OVCH1: variants seen among roughly 807,000 people sequenced by gnomAD.
OVCH1 encodes the protein ovochymase 1.
OVCH1 carries 139 observed loss-of-function variants against 138.4 expected under a neutral mutation model. The ratio of observed to expected loss-of-function variants is 1.00; its 90% CI spans 0.87 to 1.16. The LOEUF is 1.16. Ranked by LOEUF, OVCH1 falls within the 50% of genes most tolerant of loss-of-function variation. The pLI is 0.00. For synonymous variants in OVCH1, 453 were observed against 467.8 expected, an observed-to-expected ratio of 0.97 and a Z score of 0.41; for missense variants, 1,367 against 1,357.9, an observed-to-expected ratio of 1.01 and a Z score of -0.11.
intron 25 of OVCH1, among the ~76,000 whole-genome samples, chr12:29,441,411 A>T (rs1941482150): frequency 6.6e-6 from 1 of 152,212 alleles, no homozygotes; most frequent in Admixed American, 6.5e-5. Context: ...AAAACTGGCT[A>T]GCCATATGGA....
In OVCH1 at chr12:29,487,688, C is replaced by T; in HGVS notation, c.892+5G>A. On this transcript the variant is annotated splice_donor_5th_base_variant and intron_variant, in intron 7 of 27. Coordinates refer to ENST00000318184, the Ensembl canonical transcript of OVCH1. Reference sequence around the variant, plus strand: ...GATGAGATGAGGAAGAAAGAATTCACCTACCTGTGAACAGGTTTTGAGTGA... The same window carrying T: ...GATGAGATGAGGAAGAAAGAATTCATCTACCTGTGAACAGGTTTTGAGTGA... The T allele has an allele frequency of 4.4e-6, 7 of 1,582,216 alleles. No homozygotes were observed. The highest frequency in any genetic ancestry group is 5.2e-6 in the Non-Finnish European group (6 of 1,161,376).
intron 3 of OVCH1, among the ~76,000 whole-genome samples, chr12:29,422,410 A>G (rs1184186753): frequency 6.6e-6 from 1 of 152,224 alleles, no homozygotes; most frequent in African/African-American, 2.4e-5. Context: ...TAAAAAAGAC[A>G]AAGTGATGTC....
chr12:29,488,106 G>C (rs1592112975), intron 6 of OVCH1, among the ~76,000 whole-genome samples: 1 of 151,828 alleles, frequency 6.6e-6, no homozygotes, highest in Admixed American at 6.6e-5. Context: ...ATACCTATTG[G>C]CTGCAATCTT....
chr12:29,436,633 G>A (rs1941365508), intron 26 of OVCH1, among the ~76,000 whole-genome samples: 2 of 152,224 alleles, frequency 1.3e-5, no homozygotes, highest in South Asian at 4.1e-4. Flanking sequence ...TGTTCCTTCA[G>A]ATGTGTCCAG....
intron 7 of OVCH1, among the ~76,000 whole-genome samples, chr12:29,486,732 AG>A (rs1943118831): frequency 6.6e-6 from 1 of 152,226 alleles, no homozygotes; most frequent in African/African-American, 2.4e-5. Context: ...GATTATCCTA[AG>A]GAAGCATTAT....
At chr12:29,452,444 G>A (rs1941822822) in intron 21 of OVCH1, among the ~76,000 whole-genome samples, 1 of 99,702 alleles carries the variant, frequency 1.0e-5, no homozygotes, top group Non-Finnish European at 2.1e-5. Context: ...TATCTGTACA[G>A]CTACAAGAAC....
chr12:29,462,125 G>T (rs940052437), intron 18 of OVCH1, 117 bp from the exon 19 acceptor site: 3 of 1,142,842 alleles, frequency 2.6e-6, no homozygotes, highest in African/African-American at 3.1e-5. Context: ...ATTCAGTTTG[G>T]CCTGAGCTGA....
chr12:29,442,309 C>G (rs578257651), intron 25 of OVCH1, among the ~76,000 whole-genome samples: 3 of 150,664 alleles, frequency 2.0e-5, no homozygotes, highest in African/African-American at 7.3e-5. Flanking sequence ...ATGATGAGTT[C>G]ATGTCCTTTG....
At position 29,465,236 on chromosome 12, in the gene OVCH1, AGT is replaced by A; in HGVS notation, c.1857-19_1857-18del. ...TTATTCTTCCTGGAGACAGAAGAAC[AGT>A]GAAAGTTTGACATGAAAACACATTT... is the stretch of plus-strand genomic sequence containing the variant. On this transcript the variant is annotated intron_variant, in intron 16 of 27. Transcript: ENST00000318184. 1 of 1,575,992 alleles carries A rather than the reference AGT, an allele frequency of 6.3e-7. No homozygotes were observed.
chr12:29,473,073 G>A lies in OVCH1; in HGVS notation c.1631C>T (p.Pro544Leu), dbSNP rs201523745. ...GGTAGATACAGGATTGTTTTGGGGA[G>A]GTAACTTTGGTTCAAATTTGTTTAA... The change falls in exon 15 of 28, where the codon CCT (proline) becomes CTT (leucine). Residue 544 changes from proline to leucine, a missense_variant. Coordinates refer to ENST00000318184, the Ensembl canonical transcript of OVCH1. 4.7e-4 allele frequency: 755 copies of A among 1,610,096 alleles called. 2 individuals carry two copies. The highest frequency in any genetic ancestry group is 2.0e-3 in the Admixed American group (120 of 59,626).
chr12:29,477,207 T>C (rs1942769182), exon 12 of OVCH1: 3 of 1,613,672 alleles, frequency 1.9e-6, no homozygotes, highest in Admixed American at 1.7e-5. Context: ...CTTCTACCAA[T>C]ATAGCCAGAC....
At chr12:29,416,328 A>G (rs1213092461) in intron 3 of OVCH1, among the ~76,000 whole-genome samples, 1 of 152,162 alleles carries the variant, frequency 6.6e-6, no homozygotes, top group Non-Finnish European at 1.5e-5. Context: ...CATCTAAATT[A>G]AAAGTTTTGC....
intron 4 of OVCH1, among the ~76,000 whole-genome samples, chr12:29,492,515 A>T (rs868308170): frequency 4.6e-5 from 7 of 152,236 alleles, no homozygotes; most frequent in Middle Eastern, 3.4e-3. Flanking sequence ...AACAAACATT[A>T]GGAAGACAGA....
intron 16 of OVCH1, among the ~76,000 whole-genome samples, chr12:29,466,191 G>A (rs950845274): frequency 6.6e-6 from 1 of 151,914 alleles, no homozygotes; most frequent in African/African-American, 2.4e-5. Flanking sequence ...GCACATGTAT[G>A]CATATGTAAC....
At chr12:29,435,277 C>T (rs1941337103) in intron 26 of OVCH1, among the ~76,000 whole-genome samples, 1 of 152,094 alleles carries the variant, frequency 6.6e-6, no homozygotes, top group African/African-American at 2.4e-5. Context: ...ATTGCTTGAG[C>T]CCAGGAGTTC....
chr12:29,431,810 G>T (rs1164325762), intron 27 of OVCH1, among the ~76,000 whole-genome samples: 1 of 152,146 alleles, frequency 6.6e-6, no homozygotes, highest in Admixed American at 6.5e-5. Flanking sequence ...ATGTTTATCT[G>T]AAAAACAGAA....
chr12:29,440,606 A>G, intron 25 of OVCH1: 1 of 390,334 alleles, frequency 2.6e-6, no homozygotes, highest in Admixed American at 3.2e-5. Flanking sequence ...GTGCATGGTA[A>G]CAGGTGTTCT....
At position 29,436,843 on chromosome 12, in the gene OVCH1, G is replaced by A. The variant is rs988327486; in HGVS notation, c.3264+2485C>T. Among the ~76,000 whole-genome samples, 6 of 152,194 alleles carry A rather than the reference G, an allele frequency of 3.9e-5. No homozygotes were observed. In the East Asian group the frequency reaches 1.2e-3, roughly 29 times the overall value. On this transcript the variant is annotated intron_variant, in intron 26 of 27. Transcript: ENST00000318184. ...TGTTACAGCTCATAGAGGTAGTGCG[G>A]ACCCAAAGAGTGAGCAGCAGCAAGA...
chr12:29,475,795 T>C (rs1241814315), intron 13 of OVCH1, among the ~76,000 whole-genome samples: 2 of 152,198 alleles, frequency 1.3e-5, no homozygotes, highest in African/African-American at 4.8e-5. Flanking sequence ...AAAGTATATT[T>C]GAAGTTTTAA....
Sources: allele counts gnomAD v4.1 joint callset (sites outside exome capture counted in the v4.1 genomes callset), GRCh38; gene constraint gnomAD v4.1.1; transcripts MANE v1.5; gene names NCBI Gene and HGNC (gene_info 2026-07-23, HGNC 2026-07-21).